The following GASK1A variants were observed in gnomAD, a reference collection of about 807,000 sequenced individuals.
The protein encoded by GASK1A is Golgi-associated kinase 1A.
In GASK1A, 40 loss-of-function variants were observed where a neutral mutation model predicts 41.2. That is an observed-to-expected ratio of 0.97 (90% CI 0.75 to 1.27). The LOEUF is 1.27. GASK1A is among the 50% of genes most tolerant of loss of function. The pLI, the probability that GASK1A is intolerant of heterozygous loss-of-function variation, is 0.00. For synonymous variants in GASK1A, 316 were observed against 307.1 expected, an observed-to-expected ratio of 1.03 and a Z score of -0.30; for missense variants, 678 against 745.1, an observed-to-expected ratio of 0.91 and a Z score of 1.05.
chr3:43,032,839 A>G lies in GASK1A; in HGVS notation c.576A>G (p.Thr192=). Reference sequence around the variant, plus strand: ...CTTGGAGAGCTACTTCTGGGCTGACACTCTGGCCCCATACAGCAGAAGGCA... The same window carrying G: ...CTTGGAGAGCTACTTCTGGGCTGACGCTCTGGCCCCATACAGCAGAAGGCA... ...LPAWRATSGL[T]LWPHTAEGRD... The change falls in exon 2 of 5, where the codon ACA becomes ACG. Residue 192 remains threonine (T), a synonymous_variant. Coordinates refer to ENST00000430121, the MANE Select transcript of GASK1A (RefSeq NM_001129908.3). The G allele has an allele frequency of 6.5e-7, 1 of 1,548,610 alleles. No homozygotes were observed.
intron 1 of GASK1A, among the ~76,000 whole-genome samples, chr3:43,024,479 CTG>C (rs528899390): frequency 1.3e-5 from 2 of 152,170 alleles, no homozygotes; most frequent in Non-Finnish European, 2.9e-5. Context: ...TTTTGTGTCT[CTG>C]TGTCTTACCA....
intron 1 of GASK1A, among the ~76,000 whole-genome samples, chr3:42,986,384 C>A (rs1030249838): frequency 5.3e-5 from 8 of 152,076 alleles, no homozygotes; most frequent in Non-Finnish European, 1.0e-4. Flanking sequence ...ACTGTTGTGT[C>A]CTGACTGTGG....
At chr3:42,992,578 C>T (rs779219601) in intron 1 of GASK1A, among the ~76,000 whole-genome samples, 1 of 152,104 alleles carries the variant, frequency 6.6e-6, no homozygotes, top group Non-Finnish European at 1.5e-5. Context: ...GTGGGGGATA[C>T]CTTAGACTCT....
At chr3:43,026,857 G>A (rs1478089055) in intron 1 of GASK1A, among the ~76,000 whole-genome samples, 1 of 152,146 alleles carries the variant, frequency 6.6e-6, no homozygotes, top group African/African-American at 2.4e-5. Context: ...TTAATATTTA[G>A]CTCAAGAAAA....
intron 1 of GASK1A, among the ~76,000 whole-genome samples, chr3:43,027,317 T>C (rs1406527362): frequency 1.3e-5 from 2 of 152,234 alleles, no homozygotes; most frequent in Admixed American, 1.3e-4. Flanking sequence ...ATTAGAGAGA[T>C]GGAATCGAAT....
At chr3:43,051,277 G>A (rs1031132009) in intron 2 of GASK1A, among the ~76,000 whole-genome samples, 1 of 152,148 alleles carries the variant, frequency 6.6e-6, no homozygotes, top group African/African-American at 2.4e-5. Flanking sequence ...TATGGCCACT[G>A]AAATTTCTGC....
chr3:43,042,540 G>A lies in GASK1A; in HGVS notation c.1290+8987G>A, dbSNP rs186168912. Among the ~76,000 whole-genome samples, 7 of 152,160 alleles carry A rather than the reference G, an allele frequency of 4.6e-5. No individual in the cohort carries two copies. The East Asian group carries it at 1.4e-3, about 29-fold the overall frequency. ...TCAGGAATGGATGTGTAATTTTTTC[G>A]AATGCCTTTTGGGTATCTGTGGGAG... On this transcript the variant is annotated intron_variant, in intron 2 of 4. Coordinates refer to ENST00000430121, the MANE Select transcript of GASK1A (RefSeq NM_001129908.3).
In GASK1A at chr3:42,985,965, C is replaced by A. The variant is rs193287347; in HGVS notation, c.3+6320C>A. Among the ~76,000 whole-genome samples the A allele has an allele frequency of 7.9e-5, 12 of 152,296 alleles. No homozygotes were observed. The East Asian group carries it at 1.3e-3, about 17-fold the overall frequency. Reference sequence around the variant, plus strand: ...AACATACACTTACCATATATCCCAGCAATCCCATTCCTGTGTGTTTATGCA... The same window carrying A: ...AACATACACTTACCATATATCCCAGAAATCCCATTCCTGTGTGTTTATGCA... On this transcript the variant is annotated intron_variant, in intron 1 of 4. Transcript: ENST00000430121.
At position 43,033,270 on chromosome 3, in the gene GASK1A, G is replaced by A. The variant is rs942893091; in HGVS notation, c.1007G>A (p.Arg336His). 1.3e-5 allele frequency: 20 copies of A among 1,551,538 alleles called. No homozygotes were observed. The highest frequency in any genetic ancestry group is 3.6e-5 in the South Asian group (3 of 84,056). Residue 336 changes from arginine (R) to histidine (H), a missense_variant, in exon 2 of 5, where the codon CGT becomes CAT. Transcript: ENST00000430121. ...GAGGTCCTGTCCTTCCACGTAGATC[G>A]TGTGCTGGGGCTGCGCCGGAGCCTA... Reference protein sequence around the residue: ...LPEVLSFHVDRVLGLRRSLPA... With the variant: ...LPEVLSFHVDHVLGLRRSLPA...
chr3:43,006,855 C>A (rs1448864699), intron 1 of GASK1A, among the ~76,000 whole-genome samples: 5 of 152,178 alleles, frequency 3.3e-5, no homozygotes, highest in African/African-American at 1.2e-4. Context: ...TCCTATGGAC[C>A]TATCCAAGAA....
At chr3:42,986,329 G>A (rs1193941535) in intron 1 of GASK1A, among the ~76,000 whole-genome samples, 1 of 152,194 alleles carries the variant, frequency 6.6e-6, no homozygotes, top group Non-Finnish European at 1.5e-5. Flanking sequence ...TAGAGAGGCT[G>A]TGATTACAAA....
intron 1 of GASK1A, among the ~76,000 whole-genome samples, chr3:43,002,364 C>A (rs767365122): frequency 2.0e-5 from 3 of 152,170 alleles, no homozygotes; most frequent in Non-Finnish European, 2.9e-5. Context: ...GCCTGATTTG[C>A]TGTATTCAGA....
At chr3:42,991,595 G>A (rs1409379477) in intron 1 of GASK1A, among the ~76,000 whole-genome samples, 4 of 152,184 alleles carry the variant, frequency 2.6e-5, no homozygotes, top group East Asian at 3.9e-4. Context: ...ACGGGGGCTG[G>A]AGCCAGGCTC....
chr3:42,980,334 G>A (rs565144352), intron 1 of GASK1A, among the ~76,000 whole-genome samples: 1 of 152,210 alleles, frequency 6.6e-6, no homozygotes, highest in Non-Finnish European at 1.5e-5. Context: ...GGCCCAGGCG[G>A]CTTAGCTAAA....
At chr3:42,982,080 G>A (rs2089285287) in intron 1 of GASK1A, among the ~76,000 whole-genome samples, 3 of 152,164 alleles carry the variant, frequency 2.0e-5, no homozygotes, top group Admixed American at 2.0e-4. Flanking sequence ...AAAGAGCATT[G>A]AGCTGCAGTA....
At chr3:43,006,110 GC>G (rs1437328920) in intron 1 of GASK1A, among the ~76,000 whole-genome samples, 1 of 151,986 alleles carries the variant, frequency 6.6e-6, no homozygotes, top group Non-Finnish European at 1.5e-5. Flanking sequence ...CTTATCACAA[GC>G]CAACTTCCTC....
chr3:42,988,037 C>A (rs1278322648), intron 1 of GASK1A, among the ~76,000 whole-genome samples: 1 of 141,868 alleles, frequency 7.0e-6, no homozygotes, highest in African/African-American at 2.6e-5. Context: ...GAGAGAATTC[C>A]AACAATAATT....
chr3:43,039,433 C>T (rs1047447640), intron 2 of GASK1A, among the ~76,000 whole-genome samples: 7 of 152,140 alleles, frequency 4.6e-5, no homozygotes, highest in African/African-American at 1.7e-4. Context: ...GAACTCCTGA[C>T]CACAGGTGAT....
chr3:43,032,377 A>T lies in GASK1A; in HGVS notation c.114A>T (p.Pro38=), dbSNP rs1300657531. 1.4e-5 allele frequency: 22 copies of T among 1,551,506 alleles called. No homozygotes were observed. Among genetic ancestry groups the T allele is most frequent in the Non-Finnish European group, 1.7e-5 (19 of 1,146,938 alleles). Residue 38 remains proline (P), a synonymous_variant, in exon 2 of 5, where the codon CCA becomes CCT. Coordinates refer to ENST00000430121, the MANE Select transcript of GASK1A (RefSeq NM_001129908.3). ...TCACCCGCTTTCCCCCACAGCGTCC[A>T]TCCGCCGGCCCAGACCCTGGTCCCA... ...MAVTRFPPQR[P]SAGPDPGPME... is the part of the protein sequence containing the mutation.
Sources: allele counts gnomAD v4.1 joint callset (sites outside exome capture counted in the v4.1 genomes callset), GRCh38; gene constraint gnomAD v4.1.1; transcripts MANE v1.5; gene names NCBI Gene and HGNC (gene_info 2026-07-23, HGNC 2026-07-21).